TPH2: variants seen among roughly 807,000 people sequenced by gnomAD.
The protein encoded by TPH2 is tryptophan 5-hydroxylase 2.
A neutral mutation model predicts 59.1 loss-of-function variants in TPH2; 27 were observed. That is an observed-to-expected ratio of 0.46 (90% CI 0.34 to 0.63). TPH2 has a LOEUF of 0.63. Among genes scored for constraint, TPH2 ranks in the 30% least tolerant of loss-of-function variants. The pLI, the probability that TPH2 is intolerant of heterozygous loss-of-function variation, is 0.01. For missense variants in TPH2, 523 were observed against 588.3 expected, an observed-to-expected ratio of 0.89 and a Z score of 1.15; for synonymous variants, 220 against 210.5, an observed-to-expected ratio of 1.05 and a Z score of -0.39.
intron 5 of TPH2, among the ~76,000 whole-genome samples, chr12:71,966,538 C>T (rs1044739631): frequency 7.9e-5 from 12 of 152,116 alleles, no homozygotes; most frequent in Non-Finnish European, 1.5e-5. Flanking sequence ...CAGTCTATTC[C>T]AGGCAGATAA....
At chr12:71,949,542 A>G in intron 4 of TPH2, 46 bp from the exon 5 acceptor site, 1 of 1,532,256 alleles carries the variant, frequency 6.5e-7, no homozygotes, top group Non-Finnish European at 9.0e-7. Flanking sequence ...TTCTGCAGCT[A>G]ATTTTCAGCA....
Position 71,966,018 on chromosome 12 carries a change from G to T in TPH2, c.609-6501G>T, listed in dbSNP as rs940772209. Among the ~76,000 whole-genome samples the T allele has an allele frequency of 1.2e-4, 18 of 152,200 alleles. 1 individual carries two copies. The South Asian group carries it at 1.2e-3, about 11-fold the overall frequency. On this transcript the variant is annotated intron_variant, in intron 5 of 10. Transcript: ENST00000333850. ...AAGGTTACATTAGATTAAAAATAAG[G>T]TTATTCTTATAATAATGTTAGAATA...
intron 8 of TPH2, among the ~76,000 whole-genome samples, chr12:72,001,849 C>T (rs1195471126): frequency 6.6e-6 from 1 of 151,642 alleles, no homozygotes; most frequent in Non-Finnish European, 1.5e-5. Flanking sequence ...GGAAAAGATT[C>T]AGCTAGCTAA....
rs1476363359 is a variant in TPH2 at position 71,939,218 on chromosome 12, T to C, written c.105+127T>C. ...CAAATTTCTCCTTCTTTATAATCTG[T>C]CTACCCTGCTTTCCTCCTGTCTGCC... On this transcript the variant is annotated intron_variant, in intron 1 of 10. Transcript: ENST00000333850. 1.1e-5 allele frequency: 8 copies of C among 751,304 alleles called. No individual in the cohort carries two copies. The East Asian group carries it at 1.3e-4, about 13-fold the overall frequency. 46.5% of individuals were successfully genotyped at this position (751,304 alleles called of 1,614,324 possible). A position where few individuals can be genotyped will look rare whatever the true frequency, so the allele number is the denominator to read the frequency against.
intron 7 of TPH2, among the ~76,000 whole-genome samples, chr12:71,987,680 T>C (rs924547513): frequency 6.6e-6 from 1 of 152,010 alleles, no homozygotes; most frequent in African/African-American, 2.4e-5. Flanking sequence ...TAAAAACCCG[T>C]CTCTACTAAA....
At chr12:72,027,729 C>T (rs1343051396) in intron 9 of TPH2, among the ~76,000 whole-genome samples, 1 of 152,124 alleles carries the variant, frequency 6.6e-6, no homozygotes, top group Non-Finnish European at 1.5e-5. Context: ...GCGCCAAAGT[C>T]AATTAATTGG....
intron 5 of TPH2, 109 bp from the exon 6 acceptor site, chr12:71,972,410 C>T: frequency 9.7e-7 from 1 of 1,026,180 alleles, no homozygotes; most frequent in Non-Finnish European, 1.6e-6. Context: ...TTCAGACGCT[C>T]ATGTGCTCCA....
intron 7 of TPH2, 65 bp from the exon 8 acceptor site, chr12:71,994,373 CT>C: frequency 6.3e-7 from 1 of 1,592,340 alleles, no homozygotes; most frequent in Non-Finnish European, 8.6e-7. Flanking sequence ...GTTTTTAAGT[CT>C]TGTTCTACCA....
At chr12:71,959,047 G>A (rs1400559899) in intron 5 of TPH2, among the ~76,000 whole-genome samples, 1 of 134,682 alleles carries the variant, frequency 7.4e-6, no homozygotes, top group Non-Finnish European at 1.5e-5. Flanking sequence ...TATTCTCATC[G>A]AAGCAGAGAA....
chr12:71,975,392 T>G (rs1416201174), intron 6 of TPH2, among the ~76,000 whole-genome samples: 1 of 151,964 alleles, frequency 6.6e-6, no homozygotes, highest in Non-Finnish European at 1.5e-5. Flanking sequence ...ACTGTTGGGG[T>G]GTACAAAAAC....
At chr12:72,020,778 C>T (rs564299588) in intron 8 of TPH2, among the ~76,000 whole-genome samples, 26 of 152,198 alleles carry the variant, frequency 1.7e-4, no homozygotes, top group African/African-American at 3.1e-4. Context: ...TGAGTCACCA[C>T]GCCCAGTCTA....
At chr12:71,974,630 G>A (rs564197842) in intron 6 of TPH2, among the ~76,000 whole-genome samples, 18 of 152,262 alleles carry the variant, frequency 1.2e-4, no homozygotes, top group South Asian at 8.3e-4. Flanking sequence ...CTTTTGCCAT[G>A]TAAGGTCACA....
chr12:71,974,209 T>C (rs569296620), intron 6 of TPH2, among the ~76,000 whole-genome samples: 62 of 152,274 alleles, frequency 4.1e-4, no homozygotes, highest in Admixed American at 2.4e-3. Flanking sequence ...CTCCCCTGAA[T>C]TCCTACCCAC....
intron 8 of TPH2, 40 bp from the exon 9 acceptor site, chr12:72,022,359 C>G (rs868140872): frequency 6.9e-7 from 1 of 1,451,968 alleles, no homozygotes; most frequent in Non-Finnish European, 9.7e-7. Context: ...TCAAATAACT[C>G]ATTGACCAGT....
chr12:71,964,906 T>C (rs1013555540), intron 5 of TPH2: 1 of 245,492 alleles, frequency 4.1e-6, no homozygotes, highest in African/African-American at 2.3e-5. Context: ...TAGTACCCAA[T>C]AGTTTACTTT....
In TPH2 at chr12:71,979,100, A is replaced by C; in HGVS notation, c.941+13A>C. 6.2e-7 allele frequency: 1 copy of C among 1,614,100 alleles called. No individual in the cohort carries two copies. Among genetic ancestry groups the C allele is most frequent in the South Asian group, 1.1e-5 (1 of 91,080 alleles). On this transcript the variant is annotated intron_variant, in intron 7 of 10. Transcript: ENST00000333850. ...ACACCCCAGAACCGTGAGTACCTAC[A>C]TTAAAGCCCAGGCCACCACACCATA... is the stretch of plus-strand genomic sequence containing the variant.
At chr12:71,948,088 G>A (rs1217046803) in intron 4 of TPH2, among the ~76,000 whole-genome samples, 2 of 152,116 alleles carry the variant, frequency 1.3e-5, no homozygotes, top group East Asian at 3.9e-4. Flanking sequence ...TAGCATGACT[G>A]CATCTACCCT....
At chr12:71,947,040 C>T (rs1236147832) in intron 4 of TPH2, among the ~76,000 whole-genome samples, 1 of 152,128 alleles carries the variant, frequency 6.6e-6, no homozygotes, top group Non-Finnish European at 1.5e-5. Context: ...GTTAAAAATA[C>T]AATATCTTGA....
chr12:71,961,744 A>G lies in TPH2; in HGVS notation c.609-10775A>G, dbSNP rs1454537798. On this transcript the variant is annotated intron_variant, in intron 5 of 10. Transcript: ENST00000333850. The stretch of plus-strand genomic sequence containing the variant: ...TGAAAATCACTTCTCTAGAATATGA[A>G]GAGGACTTTCTGCAAGGTGAGAAAA... The G allele has an allele frequency of 2.2e-6, 3 of 1,338,248 alleles. No individual in the cohort carries two copies. The South Asian group carries it at 3.5e-5, about 15-fold the overall frequency. The allele number at this position is 1,338,248 out of a possible 1,614,324, so 82.9% of individuals were successfully genotyped here.
Sources: gnomAD v4.1 joint callset for allele counts (sites outside exome capture counted in the v4.1 genomes callset) on GRCh38, gnomAD v4.1.1 for gene constraint, MANE v1.5 for transcripts, NCBI Gene and HGNC (gene_info 2026-07-23, HGNC 2026-07-21) for gene names.